The following DOCK7 variants were observed in gnomAD, a reference collection of about 807,000 sequenced individuals.
DOCK7 encodes dedicator of cytokinesis protein 7.
In DOCK7, 138 loss-of-function variants were observed where a neutral mutation model predicts 271.0. The observed-to-expected ratio is 0.51, with a 90% CI of 0.44 to 0.59. The LOEUF is 0.59. DOCK7 is among the 20% of genes least tolerant of loss of function. DOCK7 has a pLI of 0.00. For missense variants in DOCK7, 2,066 were observed against 2,592.4 expected (o/e 0.80, Z 4.41); for synonymous variants, 823 against 876.1 (o/e 0.94, Z 1.07).
intron 29 of DOCK7, among the ~76,000 whole-genome samples, chr1:62,534,447 T>C (rs1424929498): frequency 1.3e-5 from 2 of 151,952 alleles, no homozygotes; most frequent in Non-Finnish European, 2.9e-5. Context: ...AAACCCCATT[T>C]CTACTAAAAT....
At position 62,513,684 on chromosome 1, in the gene DOCK7, T is replaced by C. The variant is rs760357033; in HGVS notation, c.4119+32A>G. The C allele has an allele frequency of 6.8e-6, 11 of 1,608,794 alleles. No individual in the cohort carries two copies. The East Asian group carries it at 2.2e-4, about 33-fold the overall frequency. Reference sequence around the variant, plus strand: ...TTTTCCACATTATGTTTCTCCTTTCTTGTTCTTTGCAATGGTACAATGACC... The same window carrying C: ...TTTTCCACATTATGTTTCTCCTTTCCTGTTCTTTGCAATGGTACAATGACC... On this transcript the variant is annotated intron_variant, in intron 32 of 49. Coordinates refer to ENST00000635253, the MANE Select transcript of DOCK7 (RefSeq NM_001367561.1).
rs745941706 is a variant in DOCK7 at position 62,648,398 on chromosome 1, A to C, written c.519+17T>G. The C allele has an allele frequency of 1.3e-4, 198 of 1,479,492 alleles. No homozygotes were observed. The highest frequency in any genetic ancestry group is 5.8e-5 in the African/African-American group (4 of 69,210). 91.6% of individuals were successfully genotyped at this position (1,479,492 alleles called of 1,614,324 possible). A position where few individuals can be genotyped will look rare whatever the true frequency, so the allele number is the denominator to read the frequency against. On this transcript the variant is annotated intron_variant, in intron 5 of 49. Transcript: ENST00000635253. ...TTTAAATAACTTCTTATAGTTATTT[A>C]AGAATAAAAGTATTACTTGATCATC...
chr1:62,587,816 T>G (rs2149502569), intron 14 of DOCK7, among the ~76,000 whole-genome samples: 1 of 152,098 alleles, frequency 6.6e-6, no homozygotes, highest in East Asian at 1.9e-4. Flanking sequence ...TGTGGGGGTG[T>G]GGGGGAAGGT....
At chr1:62,507,500 A>C (rs1209896603) in intron 35 of DOCK7, among the ~76,000 whole-genome samples, 1 of 152,210 alleles carries the variant, frequency 6.6e-6, no homozygotes, top group Non-Finnish European at 1.5e-5. Flanking sequence ...AACTAAATAA[A>C]TGTCAGCTAT....
chr1:62,526,677 T>C (rs1252811909), intron 31 of DOCK7, among the ~76,000 whole-genome samples: 1 of 152,134 alleles, frequency 6.6e-6, no homozygotes, highest in African/African-American at 2.4e-5. Flanking sequence ...GATACAGCTG[T>C]TCATCAACTG....
At chr1:62,521,899 C>T (rs2149357567) in intron 31 of DOCK7, among the ~76,000 whole-genome samples, 1 of 152,226 alleles carries the variant, frequency 6.6e-6, no homozygotes, top group East Asian at 1.9e-4. Flanking sequence ...TGGCTTGAAG[C>T]CAGGAGGCGG....
intron 7 of DOCK7, among the ~76,000 whole-genome samples, chr1:62,638,589 ATTTTCATGAATATATATT>A (rs1163495437): frequency 7.5e-5 from 11 of 147,066 alleles, no homozygotes; most frequent in Admixed American, 4.1e-4. Flanking sequence ...ATGAATATAT[ATTTTCATGAATATATATT>A]TTTTCATGAA....
At chr1:62,619,819 A>AC in intron 13 of DOCK7, 81 bp downstream of exon 13, 1 of 881,122 alleles carries the variant, frequency 1.1e-6, no homozygotes, top group Non-Finnish European at 1.7e-6. Flanking sequence ...AAATAAAAAA[A>AC]AAAGATACAT....
chr1:62,521,505 G>A (rs1260952582), intron 31 of DOCK7, among the ~76,000 whole-genome samples: 1 of 152,048 alleles, frequency 6.6e-6, no homozygotes, highest in African/African-American at 2.4e-5. Context: ...AATACATTTC[G>A]ACTGTCTGGT....
At chr1:62,529,092 A>C (rs1210378210) in intron 30 of DOCK7, among the ~76,000 whole-genome samples, 185 bp downstream of exon 30, 1 of 152,146 alleles carries the variant, frequency 6.6e-6, no homozygotes, top group East Asian at 1.9e-4. Context: ...ACTTAAAGCA[A>C]TCTTATACGG....
intron 20 of DOCK7, among the ~76,000 whole-genome samples, chr1:62,557,527 GCTT>G (rs747006397): frequency 4.7e-5 from 7 of 148,110 alleles, no homozygotes; most frequent in Non-Finnish European, 1.0e-4. Context: ...TCATCTATTT[GCTT>G]CTTAATTCCC....
intron 7 of DOCK7, among the ~76,000 whole-genome samples, chr1:62,639,426 C>CTTTTTTTTTTTTTTTTTTTTTTTTTTTT (rs386367151): frequency 1.3e-5 from 1 of 75,864 alleles, no homozygotes; most frequent in African/African-American, 5.9e-5. Flanking sequence ...TTGTAATACT[C>CTTTTTTTTTTTTTTTTTTTTTTTTTTTT]TTTTTTTTTT....
chr1:62,584,043 C>CAT (rs1647229457), intron 15 of DOCK7: 2 of 634,078 alleles, frequency 3.2e-6, no homozygotes, highest in South Asian at 1.4e-4. Context: ...TCTGTATAGC[C>CAT]ATCTTTACAT....
At chr1:62,571,142 T>C (rs1394296219) in intron 18 of DOCK7, among the ~76,000 whole-genome samples, 1 of 152,118 alleles carries the variant, frequency 6.6e-6, no homozygotes, top group Non-Finnish European at 1.5e-5. Context: ...GAGAGAAATT[T>C]TGCAACCTAT....
chr1:62,594,872 AG>A (rs1648991866), intron 14 of DOCK7, among the ~76,000 whole-genome samples: 1 of 152,174 alleles, frequency 6.6e-6, no homozygotes, highest in South Asian at 2.1e-4. Flanking sequence ...ATGAAATATC[AG>A]GGTCAATAGT....
chr1:62,556,469 T>C (rs1305579365), intron 20 of DOCK7, among the ~76,000 whole-genome samples: 2 of 141,346 alleles, frequency 1.4e-5, no homozygotes, highest in Non-Finnish European at 1.5e-5. Context: ...AATAAGAAAA[T>C]AGTGAATAAG....
Position 62,538,073 on chromosome 1 carries a change from T to G in DOCK7, c.3301-12A>C. The G allele has an allele frequency of 6.2e-7, 1 of 1,608,442 alleles. No homozygotes were observed. The highest frequency in any genetic ancestry group is 8.5e-7 in the Non-Finnish European group (1 of 1,176,930). On this transcript the variant is annotated splice_polypyrimidine_tract_variant and intron_variant, in intron 27 of 49. Coordinates refer to ENST00000635253, the MANE Select transcript of DOCK7 (RefSeq NM_001367561.1). ...AGCTTTGAAGACACCTTGTAAGCAA[T>G]GCATAAGTAAGAGAACACCAATTGA...
intron 18 of DOCK7, among the ~76,000 whole-genome samples, chr1:62,573,772 T>TTTTA (rs895025883): frequency 2.6e-5 from 4 of 152,008 alleles, no homozygotes; most frequent in Non-Finnish European, 4.4e-5. Flanking sequence ...ACCATAATAT[T>TTTTA]TTTATTTATT....
chr1:62,514,531 C>T (rs1003494400), intron 31 of DOCK7, among the ~76,000 whole-genome samples: 1 of 152,020 alleles, frequency 6.6e-6, no homozygotes. Context: ...ATTGGACATA[C>T]ACTCTGTTTC....
Sources: allele counts gnomAD v4.1 joint callset (sites outside exome capture counted in the v4.1 genomes callset), GRCh38; gene constraint gnomAD v4.1.1; transcripts MANE v1.5; gene names NCBI Gene and HGNC (gene_info 2026-07-23, HGNC 2026-07-21).